The following DRC7 variants were observed in gnomAD, a reference collection of about 807,000 sequenced individuals.
DRC7 encodes dynein regulatory complex subunit 7.
Under a neutral mutation model 104.4 loss-of-function variants are expected in DRC7, and 80 were observed. The ratio of observed to expected loss-of-function variants is 0.77; its 90% CI spans 0.64 to 0.92. The LOEUF (loss-of-function observed/expected upper bound fraction) is 0.92, where lower values mean the gene tolerates loss of function less well. Ranked by LOEUF, DRC7 falls within the 40% of genes least tolerant of loss-of-function variation. The pLI, the probability that DRC7 is intolerant of heterozygous loss-of-function variation, is 0.00. For synonymous variants in DRC7, 405 were observed against 447.3 expected (o/e 0.91, Z 1.19); for missense variants, 1,034 against 1,141.1 (o/e 0.91, Z 1.35).
At position 57,718,410 on chromosome 16, in the gene DRC7, T is replaced by C; in HGVS notation, c.1141T>C (p.Ser381Pro). The C allele has an allele frequency of 2.5e-6, 4 of 1,614,084 alleles. No individual in the cohort carries two copies. Among genetic ancestry groups the C allele is most frequent in the Non-Finnish European group, 3.4e-6 (4 of 1,179,976 alleles). ...WEYMLLGTDKSQLSLTEEDDS... is the reference protein window; with the variant it reads ...WEYMLLGTDKPQLSLTEEDDS... ...GTACATGCTCCTGGGGACTGATAAG[T>C]CTCAGCTGTCCTTGACTGAAGAAGA... is the stretch of plus-strand genomic sequence containing the variant. Residue 381 changes from serine (S) to proline (P), a missense_variant, in exon 9 of 19, where the codon TCT becomes CCT. By Grantham distance (74) the Ser-to-Pro change is moderately conservative. Coordinates refer to ENST00000360716, the MANE Select transcript of DRC7 (RefSeq NM_001289162.2).
chr16:57,702,015 C>T lies in DRC7; in HGVS notation c.584C>T (p.Ser195Phe). ...TTTGACTTCAGTACGCTGCTCTGCT[C>T]CATGCTTATCGGCTCTGGCTATGAT... Reference protein sequence around the residue: ...NCFDFSTLLCSMLIGSGYDAY... With the variant: ...NCFDFSTLLCFMLIGSGYDAY... The change falls in exon 6 of 19, where the codon TCC becomes TTC. Residue 195 changes from serine to phenylalanine, a missense_variant. Physicochemically the swap from Ser to Phe is radical, Grantham distance 155 (BLOSUM62 -2). Coordinates refer to ENST00000360716, the MANE Select transcript of DRC7 (RefSeq NM_001289162.2). 6.2e-7 allele frequency: 1 copy of T among 1,614,230 alleles called. No homozygotes were observed. Among genetic ancestry groups the T allele is most frequent in the Non-Finnish European group, 8.5e-7 (1 of 1,180,044 alleles).
rs879314145 is a variant in DRC7, at chr16:57,723,730, G to GA, written c.1537+613dup. Among the ~76,000 whole-genome samples the GA allele has an allele frequency of 7.6e-3, 829 of 108,512 alleles. 5 individuals are homozygous for GA. Among genetic ancestry groups the GA allele is most frequent in the East Asian group, 0.023 (89 of 3,934 alleles). 71.2% of individuals were successfully genotyped at this position (108,512 alleles called of 152,430 possible). A position where few individuals can be genotyped will look rare whatever the true frequency, so the allele number is the denominator to read the frequency against. On this transcript the variant is annotated intron_variant, in intron 12 of 18. Transcript: ENST00000360716. ...GTGACAGATAGAGATCCTGTCTCAA[G>GA]AAAAAAAAAAAAATCCTGACCAAGA...
At chr16:57,702,973 T>C (rs1339299743) in intron 6 of DRC7, among the ~76,000 whole-genome samples, 3 of 151,742 alleles carry the variant, frequency 2.0e-5, no homozygotes, top group Non-Finnish European at 2.9e-5. Context: ...AACCTCAACC[T>C]CCTGGACTCA....
At chr16:57,710,423 A>G (rs1356874396) in intron 8 of DRC7, among the ~76,000 whole-genome samples, 9 of 152,222 alleles carry the variant, frequency 5.9e-5, no homozygotes, top group Admixed American at 5.9e-4. Flanking sequence ...GGATTCCATC[A>G]ATGTTTATAC....
intron 16 of DRC7, 66 bp from the exon 17 acceptor site, chr16:57,728,319 GCTGAT>G (rs1436622433): frequency 2.1e-6 from 3 of 1,419,952 alleles, no homozygotes; most frequent in Non-Finnish European, 2.8e-6. Flanking sequence ...CTGGCACACT[GCTGAT>G]GCAGAGCTGG....
At position 57,698,191 on chromosome 16, in the gene DRC7, C is replaced by T. The variant is rs756834833; in HGVS notation, c.203+39C>T. Reference sequence around the variant, plus strand: ...GGTGGGGGCCCTGGCAAGGGTAGACCGGGGCTGGGCACAGGGAGACCCAGG... The same window carrying T: ...GGTGGGGGCCCTGGCAAGGGTAGACTGGGGCTGGGCACAGGGAGACCCAGG... On this transcript the variant is annotated intron_variant, in intron 3 of 18. Coordinates refer to ENST00000360716, the MANE Select transcript of DRC7 (RefSeq NM_001289162.2). 121 of 1,612,350 alleles carry T rather than the reference C, an allele frequency of 7.5e-5. No individual in the cohort carries two copies. In the South Asian group the frequency reaches 9.5e-4, roughly 13 times the overall value.
chr16:57,731,119 C>T (rs762434037), intron 18 of DRC7, 46 bp from the exon 19 acceptor site: 6 of 1,613,596 alleles, frequency 3.7e-6, no homozygotes, highest in Non-Finnish European at 3.4e-6. Flanking sequence ...GCTGGACCAC[C>T]AGCTTTGTAA....
intron 8 of DRC7, among the ~76,000 whole-genome samples, chr16:57,715,505 A>G (rs182880728): frequency 1.3e-3 from 199 of 152,362 alleles, no homozygotes; most frequent in African/African-American, 4.6e-3. Context: ...AGAAGCTCTG[A>G]GATGAGAAAC....
chr16:57,707,424 C>A, intron 7 of DRC7, 36 bp from the exon 8 acceptor site: 2 of 1,578,982 alleles, frequency 1.3e-6, no homozygotes, highest in Non-Finnish European at 1.7e-6. Context: ...CCTCTTCCAG[C>A]CATCTGACTC....
chr16:57,726,115 G>C lies in DRC7; in HGVS notation c.1806G>C (p.Glu602Asp), dbSNP rs749438500. 4 of 1,613,204 alleles carry C rather than the reference G, an allele frequency of 2.5e-6. No homozygotes were observed. The African/African-American group carries it at 4.0e-5, about 16-fold the overall frequency. Reference protein sequence around the residue: ...FFRNPAKPAEEDVAERVFLVA... With the variant: ...FFRNPAKPAEDDVAERVFLVA... ...GCAACCCAGCGAAGCCCGCGGAGGA[G>C]GACGTGGCAGAGCGCGTGTTTCTGG... The change falls in exon 14 of 19, where the codon GAG (glutamate) becomes GAC (aspartate). Residue 602 changes from glutamate (E) to aspartate (D), a missense_variant. By Grantham distance (45) the Glu-to-Asp change is conservative. Coordinates refer to ENST00000360716, the MANE Select transcript of DRC7 (RefSeq NM_001289162.2).
At chr16:57,694,951 T>C (rs1485394844) in intron 1 of DRC7, 99 bp downstream of exon 1, 2 of 152,096 alleles carry the variant, frequency 1.3e-5, no homozygotes, top group Non-Finnish European at 2.9e-5. Flanking sequence ...CCAGCCCTGA[T>C]CTTTCTGGGG....
chr16:57,701,571 T>C (rs2048658381), intron 5 of DRC7: 1 of 188,764 alleles, frequency 5.3e-6, no homozygotes, highest in Admixed American at 5.5e-5. Flanking sequence ...AGGTCAACAG[T>C]GGAGAACTGA....
chr16:57,713,231 T>C (rs1403139313), intron 8 of DRC7, among the ~76,000 whole-genome samples: 1 of 152,242 alleles, frequency 6.6e-6, no homozygotes, highest in Non-Finnish European at 1.5e-5. Context: ...GAATGTTCTA[T>C]AAATGTCAAT....
intron 7 of DRC7, among the ~76,000 whole-genome samples, 177 bp downstream of exon 7, chr16:57,705,211 A>T (rs1009765806): frequency 6.6e-6 from 1 of 152,050 alleles, no homozygotes; most frequent in Non-Finnish European, 1.5e-5. Flanking sequence ...GTGGTCAGCC[A>T]GCTTCTCATG....
chr16:57,721,817 C>A, intron 10 of DRC7, 78 bp downstream of exon 10: 4 of 1,037,414 alleles, frequency 3.9e-6, no homozygotes, highest in African/African-American at 1.6e-5. Context: ...AACAGCGAGG[C>A]AGGGGGACAC....
intron 9 of DRC7, among the ~76,000 whole-genome samples, chr16:57,719,986 A>C (rs2048885578): frequency 6.6e-6 from 1 of 152,232 alleles, no homozygotes; most frequent in Non-Finnish European, 1.5e-5. Context: ...CAGGGCTTAA[A>C]ACTTCAACCT....
intron 9 of DRC7, among the ~76,000 whole-genome samples, chr16:57,719,537 G>T (rs1450577238): frequency 6.6e-6 from 1 of 151,964 alleles, no homozygotes; most frequent in Non-Finnish European, 1.5e-5. Context: ...TTGAGACAGG[G>T]TCTCCTCTGT....
At chr16:57,712,640 C>T (rs1258853535) in intron 8 of DRC7, among the ~76,000 whole-genome samples, 2 of 151,726 alleles carry the variant, frequency 1.3e-5, no homozygotes, top group Non-Finnish European at 2.9e-5. Context: ...AAGGTGGAAG[C>T]TGAGATGATT....
intron 14 of DRC7, 57 bp from the exon 15 acceptor site, chr16:57,726,775 G>C (rs1165430840): frequency 2.7e-6 from 3 of 1,105,972 alleles, no homozygotes; most frequent in Non-Finnish European, 4.1e-6. Context: ...AACCCAGGTG[G>C]TCCTATGCCC....
Sources: gnomAD v4.1 joint callset for allele counts (sites outside exome capture counted in the v4.1 genomes callset) on GRCh38, gnomAD v4.1.1 for gene constraint, MANE v1.5 for transcripts, NCBI Gene and HGNC (gene_info 2026-07-23, HGNC 2026-07-21) for gene names.